Variants in KCNIP1 observed in about 807,000 individuals in gnomAD.
KCNIP1 encodes the protein potassium voltage-gated channel interacting protein 1.
In KCNIP1, 18 loss-of-function variants were observed where a neutral mutation model predicts 33.0. That is an observed-to-expected ratio of 0.55 (90% CI 0.38 to 0.81). The LOEUF is 0.81. Among genes scored for constraint, KCNIP1 ranks in the 30% least tolerant of loss-of-function variants. The pLI is 0.00. For synonymous variants in KCNIP1, 93 were observed against 98.3 expected, an observed-to-expected ratio of 0.95 and a Z score of 0.32; for missense variants, 238 against 271.6, an observed-to-expected ratio of 0.88 and a Z score of 0.87.
intron 1 of KCNIP1, among the ~76,000 whole-genome samples, chr5:170,602,516 G>A (rs185821962): frequency 7.5e-4 from 115 of 152,340 alleles, no homozygotes; most frequent in Non-Finnish European, 1.4e-3. Flanking sequence ...CCTGCCTGCC[G>A]TGCAGTTTGT....
In KCNIP1 at chr5:170,379,118, T is replaced by C. The variant is rs115085637; in HGVS notation, c.88+25154T>C. The C allele has an allele frequency of 1.4e-3, 1,372 of 958,070 alleles. 10 individuals carry two copies. In the African/African-American group the frequency reaches 0.019, roughly 14 times the overall value. The allele number at this position is 958,070 out of a possible 1,614,324, so 59.3% of individuals were successfully genotyped here. ...CTTTGGTCTAAAGCTTGGCAGGCCATGCGCTGTACAGGTCTGGAGAGCACG... is the reference window on the plus strand; with the variant it reads ...CTTTGGTCTAAAGCTTGGCAGGCCACGCGCTGTACAGGTCTGGAGAGCACG... On this transcript the variant is annotated intron_variant, in intron 1 of 7. Coordinates refer to the KCNIP1 transcript ENST00000377360.
chr5:170,720,171 G>A (rs1763769551), intron 2 of KCNIP1, 150 bp from the exon 3 acceptor site: 1 of 637,114 alleles, frequency 1.6e-6, no homozygotes, highest in Non-Finnish European at 2.9e-6. Context: ...AGCAGCTCCA[G>A]TCCTGAGATG....
chr5:170,591,199 T>C (rs1022897079), intron 1 of KCNIP1, among the ~76,000 whole-genome samples: 1 of 152,234 alleles, frequency 6.6e-6, no homozygotes, highest in African/African-American at 2.4e-5. Context: ...GCTCACTTCC[T>C]GCTTCCCTGA....
At chr5:170,577,024 C>T (rs1164015215) in intron 1 of KCNIP1, among the ~76,000 whole-genome samples, 1 of 152,176 alleles carries the variant, frequency 6.6e-6, no homozygotes, top group Non-Finnish European at 1.5e-5. Flanking sequence ...CTGGACCTCC[C>T]TCTGGTGGGG....
At chr5:170,696,016 C>CAAAAAAAAAAA (rs34474795) in intron 1 of KCNIP1, among the ~76,000 whole-genome samples, 6 of 93,964 alleles carry the variant, frequency 6.4e-5, no homozygotes, top group Non-Finnish European at 1.1e-4. Flanking sequence ...GACTCTGTCT[C>CAAAAAAAAAAA]AAAAAAAAAA....
chr5:170,561,059 G>T, intron 1 of KCNIP1: 1 of 454,916 alleles, frequency 2.2e-6, no homozygotes, highest in Non-Finnish European at 4.4e-6. Flanking sequence ...CCTCCTGGCT[G>T]GTGCGTGGCT....
chr5:170,550,165 G>A (rs1023883419), intron 1 of KCNIP1, among the ~76,000 whole-genome samples: 1 of 152,102 alleles, frequency 6.6e-6, no homozygotes, highest in African/African-American at 2.4e-5. Flanking sequence ...GTTGGCTGTT[G>A]TATCCAGCCT....
intron 1 of KCNIP1, among the ~76,000 whole-genome samples, chr5:170,444,585 T>C (rs1490288555): frequency 6.6e-6 from 1 of 152,092 alleles, no homozygotes; most frequent in Admixed American, 6.5e-5. Context: ...CTGTTTTGCC[T>C]ACCACAGCTT....
chr5:170,679,622 T>C (rs1056727488), intron 1 of KCNIP1, among the ~76,000 whole-genome samples: 1 of 133,168 alleles, frequency 7.5e-6, no homozygotes, highest in African/African-American at 3.0e-5. Flanking sequence ...TTTATGTATA[T>C]GACAGTGTGT....
intron 1 of KCNIP1, among the ~76,000 whole-genome samples, chr5:170,630,695 A>C (rs971675708): frequency 1.3e-5 from 2 of 152,214 alleles, no homozygotes; most frequent in Non-Finnish European, 1.5e-5. Context: ...CAGGGAATCT[A>C]CTGGTAAACA....
At chr5:170,456,687 C>T (rs1399240068) in intron 1 of KCNIP1, among the ~76,000 whole-genome samples, 6 of 113,352 alleles carry the variant, frequency 5.3e-5, no homozygotes, top group African/African-American at 1.4e-4. Context: ...TTCTTTCTTT[C>T]TCTCTCTCTC....
chr5:170,530,382 T>C (rs1321807808), intron 1 of KCNIP1, among the ~76,000 whole-genome samples: 1 of 152,244 alleles, frequency 6.6e-6, no homozygotes, highest in Non-Finnish European at 1.5e-5. Context: ...ACTATGATGC[T>C]GATATTACTC....
intron 1 of KCNIP1, among the ~76,000 whole-genome samples, chr5:170,387,375 A>C (rs1393177944): frequency 2.0e-5 from 3 of 152,068 alleles, no homozygotes; most frequent in Non-Finnish European, 4.4e-5. Context: ...TAACTACTAG[A>C]CTGTTTCAAA....
At chr5:170,378,590 C>A (rs45530435) in intron 1 of KCNIP1, 1 of 1,115,430 alleles carries the variant, frequency 9.0e-7, no homozygotes, top group East Asian at 2.4e-5. Context: ...GTGGATTGGA[C>A]TGGAAGAGTG....
At chr5:170,696,725 T>C (rs958523969) in intron 1 of KCNIP1, among the ~76,000 whole-genome samples, 5 of 152,124 alleles carry the variant, frequency 3.3e-5, no homozygotes, top group African/African-American at 1.2e-4. Context: ...CAGGAAGTCA[T>C]GTTGGGGGAA....
chr5:170,608,952 C>G (rs972145302), intron 1 of KCNIP1, among the ~76,000 whole-genome samples: 2 of 152,120 alleles, frequency 1.3e-5, no homozygotes, highest in Admixed American at 1.3e-4. Context: ...GGCTCTGAGT[C>G]GGGCTCTGTC....
Position 170,597,784 on chromosome 5 carries a change from AATATATATATATATATATAT to A in KCNIP1, c.61+93178_61+93197del, listed in dbSNP as rs10525595. Among the ~76,000 whole-genome samples the A allele has an allele frequency of 8.4e-3, 1,124 of 134,454 alleles. 22 individuals carry two copies. The highest frequency in any genetic ancestry group is 0.018 in the African/African-American group (600 of 32,632). 88.2% of individuals were successfully genotyped at this position (134,454 alleles called of 152,430 possible). A position where few individuals can be genotyped will look rare whatever the true frequency, so the allele number is the denominator to read the frequency against. On this transcript the variant is annotated intron_variant, in intron 1 of 7. Transcript: ENST00000328939. ...ACTTCTGATGCTGGAGAGAGAGATA[AATATATATATATATATATAT>A]ATATATATATATATATATATATATA...
intron 1 of KCNIP1, among the ~76,000 whole-genome samples, chr5:170,541,323 C>T (rs1756203193): frequency 6.6e-6 from 1 of 152,220 alleles, no homozygotes; most frequent in African/African-American, 2.4e-5. Flanking sequence ...GGTCATTTCT[C>T]ACCGTCACCC....
chr5:170,613,237 T>G (rs1581398272), intron 1 of KCNIP1, among the ~76,000 whole-genome samples: 2 of 152,354 alleles, frequency 1.3e-5, no homozygotes, highest in East Asian at 3.9e-4. Flanking sequence ...CATGGATCCC[T>G]GCCACTACCT....
Sources: gnomAD v4.1 joint callset for allele counts (sites outside exome capture counted in the v4.1 genomes callset) on GRCh38, gnomAD v4.1.1 for gene constraint, MANE v1.5 for transcripts, NCBI Gene and HGNC (gene_info 2026-07-23, HGNC 2026-07-21) for gene names.